Variants in GPC5 observed in about 807,000 individuals in gnomAD.
GPC5 encodes the protein glypican-5.
In GPC5, 47 loss-of-function variants were observed where a neutral mutation model predicts 53.9. The ratio of observed to expected loss-of-function variants is 0.87; its 90% CI spans 0.69 to 1.11. The LOEUF is 1.11. GPC5 is among the 50% of genes most tolerant of loss of function. GPC5 has a pLI of 0.00. For missense variants in GPC5, 748 were observed against 713.1 expected (o/e 1.05, Z -0.56); for synonymous variants, 286 against 263.3 (o/e 1.09, Z -0.84).
intron 1 of GPC5, among the ~76,000 whole-genome samples, chr13:91,417,098 G>A (rs7333580): frequency 6.6e-6 from 1 of 151,812 alleles, no homozygotes; most frequent in Admixed American, 6.6e-5. Context: ...AGGCAGAATT[G>A]TTAGAACCTC....
intron 2 of GPC5, among the ~76,000 whole-genome samples, chr13:91,608,473 A>G (rs925354978): frequency 1.3e-5 from 2 of 152,210 alleles, no homozygotes; most frequent in Non-Finnish European, 2.9e-5. Context: ...TGTGATGCTC[A>G]GCTTCTTGCA....
chr13:91,837,385 A>G (rs958784700), intron 5 of GPC5, among the ~76,000 whole-genome samples: 1 of 152,128 alleles, frequency 6.6e-6, no homozygotes, highest in African/African-American at 2.4e-5. Flanking sequence ...TATGCTTGTT[A>G]GAGATGATGC....
chr13:92,432,185 G>A (rs1877118267), intron 7 of GPC5, among the ~76,000 whole-genome samples: 1 of 152,088 alleles, frequency 6.6e-6, no homozygotes. Context: ...CATCTGCAGG[G>A]CAGGAAGAGA....
intron 7 of GPC5, chr13:92,446,942 G>A (rs1877853171): frequency 6.6e-6 from 1 of 152,116 alleles, no homozygotes; most frequent in Non-Finnish European, 1.5e-5. Context: ...TTTCAGAAAT[G>A]TCTATTAAAA....
chr13:92,440,572 A>G (rs1877508306), intron 7 of GPC5, among the ~76,000 whole-genome samples: 1 of 152,158 alleles, frequency 6.6e-6, no homozygotes, highest in Admixed American at 6.5e-5. Flanking sequence ...ACAGGTGCAC[A>G]TTCTTTTTGG....
intron 7 of GPC5, among the ~76,000 whole-genome samples, chr13:92,230,809 A>G (rs552308837): frequency 6.6e-6 from 1 of 152,332 alleles, no homozygotes; most frequent in South Asian, 2.1e-4. Context: ...GGCACATAGC[A>G]GATTCTCAAA....
At chr13:91,802,351 C>T (rs12430247) in intron 5 of GPC5, among the ~76,000 whole-genome samples, 8,561 of 150,542 alleles carry the variant, frequency 0.057, 448 homozygotes, top group East Asian at 0.22. Context: ...TTGTTCCTCC[C>T]GGTGGGTTCG....
Position 92,866,716 on chromosome 13 carries a change from T to C in GPC5, c.*277T>C. On this transcript the variant is annotated 3_prime_UTR_variant, in exon 8 of 8. Coordinates refer to ENST00000377067, the MANE Select transcript of GPC5 (RefSeq NM_004466.6). ...AAGATGTGAAGGGCACAGAAGTGAC[T>C]TTGAATAAGAAGAATTTAGTGTATC... is the stretch of plus-strand genomic sequence containing the variant. 1 of 230,808 alleles carries C rather than the reference T, an allele frequency of 4.3e-6. No individual in the cohort carries two copies. 14.3% of individuals were successfully genotyped at this position (230,808 alleles called of 1,614,324 possible). A position where few individuals can be genotyped will look rare whatever the true frequency, so the allele number is the denominator to read the frequency against.
chr13:92,492,739 A>G (rs765290840), intron 7 of GPC5, among the ~76,000 whole-genome samples: 2 of 152,198 alleles, frequency 1.3e-5, no homozygotes, highest in Non-Finnish European at 2.9e-5. Flanking sequence ...AAAAATGAAT[A>G]TTCATGAATT....
intron 7 of GPC5, among the ~76,000 whole-genome samples, chr13:92,641,592 G>A (rs768512513): frequency 4.6e-5 from 7 of 152,088 alleles, no homozygotes; most frequent in Non-Finnish European, 1.0e-4. Context: ...AATTCAGTCT[G>A]GAGAGTTTTA....
At chr13:91,518,992 C>A (rs1885657797) in intron 2 of GPC5, among the ~76,000 whole-genome samples, 2 of 152,190 alleles carry the variant, frequency 1.3e-5, no homozygotes, top group Admixed American at 6.5e-5. Context: ...ATTTTAATGG[C>A]ATTTTACTAT....
intron 7 of GPC5, among the ~76,000 whole-genome samples, chr13:92,840,078 C>CATATATATATATATATAT (rs4001881): frequency 8.1e-5 from 8 of 99,008 alleles, no homozygotes; most frequent in East Asian, 2.8e-4. Flanking sequence ...TATATACATA[C>CATATATATATATATATAT]ATATATATAT....
chr13:92,842,639 G>A (rs887633583), intron 7 of GPC5, among the ~76,000 whole-genome samples: 1 of 147,516 alleles, frequency 6.8e-6, no homozygotes, highest in Non-Finnish European at 1.5e-5. Context: ...CCCAACAATG[G>A]GTAGGATACA....
At chr13:92,810,324 A>G (rs1199989127) in intron 7 of GPC5, among the ~76,000 whole-genome samples, 1 of 151,988 alleles carries the variant, frequency 6.6e-6, no homozygotes, top group Non-Finnish European at 1.5e-5. Context: ...AGAATGATCT[A>G]TGTAAGTAAA....
chr13:92,537,119 T>C (rs993746552), intron 7 of GPC5, among the ~76,000 whole-genome samples: 12 of 152,158 alleles, frequency 7.9e-5, no homozygotes, highest in Non-Finnish European at 1.8e-4. Flanking sequence ...AGAAAAGGTA[T>C]TCATTTACAT....
At position 91,514,421 on chromosome 13, in the gene GPC5, T is replaced by G. The variant is rs377383165; in HGVS notation, c.325+65499T>G. 6.2e-4 allele frequency among the ~76,000 whole-genome samples: 95 copies of G among 152,312 alleles called. 1 individual carries two copies. In the South Asian group the frequency reaches 0.019, roughly 31 times the overall value. On this transcript the variant is annotated intron_variant, in intron 2 of 7. Transcript: ENST00000377067. ...GCTGTTGAACATATTCTTATATGCT[T>G]ATTTACTATCTGTATATGCTCATCA...
chr13:91,749,903 T>C (rs1398110399), intron 4 of GPC5, among the ~76,000 whole-genome samples: 2 of 152,160 alleles, frequency 1.3e-5, no homozygotes, highest in East Asian at 1.9e-4. Flanking sequence ...CTCTGCCTCC[T>C]GGGTTCAAGC....
At chr13:91,974,321 G>C (rs986822517) in intron 6 of GPC5, among the ~76,000 whole-genome samples, 2 of 152,166 alleles carry the variant, frequency 1.3e-5, no homozygotes, top group African/African-American at 4.8e-5. Context: ...GAAAGAGGAA[G>C]TCAAATTGTC....
chr13:92,651,712 A>G (rs1885964949), intron 7 of GPC5, among the ~76,000 whole-genome samples: 1 of 152,206 alleles, frequency 6.6e-6, no homozygotes, highest in Admixed American at 6.6e-5. Flanking sequence ...ATACTAATGA[A>G]AAATGTTAAT....
Sources: gnomAD v4.1 joint callset for allele counts (sites outside exome capture counted in the v4.1 genomes callset) on GRCh38, gnomAD v4.1.1 for gene constraint, MANE v1.5 for transcripts, NCBI Gene and HGNC (gene_info 2026-07-23, HGNC 2026-07-21) for gene names.